Variants in SLTM observed in about 807,000 individuals in gnomAD.
The protein encoded by SLTM is SAFB like transcription modulator, also known as SAFB-like transcription modulator.
In SLTM, 43 loss-of-function variants were observed where a neutral mutation model predicts 134.6. The observed-to-expected ratio is 0.32, with a 90% CI of 0.25 to 0.41. The LOEUF (loss-of-function observed/expected upper bound fraction) is 0.41, where lower values mean the gene tolerates loss of function less well. SLTM is among the 10% of genes least tolerant of loss of function. SLTM has a pLI of 1.00. For missense variants in SLTM, 1,055 were observed against 1,288.8 expected (o/e 0.82, Z 2.78); for synonymous variants, 424 against 432.3 (o/e 0.98, Z 0.24).
chr15:58,886,827 A>T, intron 19 of SLTM, 148 bp downstream of exon 19: 1 of 973,586 alleles, frequency 1.0e-6, no homozygotes, highest in Non-Finnish European at 1.5e-6. Context: ...TTCAGATTTT[A>T]AAAATTTAAA....
intron 5 of SLTM, among the ~76,000 whole-genome samples, chr15:58,910,244 T>G (rs1417153846): frequency 6.6e-6 from 1 of 152,210 alleles, no homozygotes; most frequent in Admixed American, 6.5e-5. Context: ...GGCCATTATT[T>G]GAAAACAGCT....
chr15:58,925,603 G>T (rs565256903), intron 2 of SLTM, among the ~76,000 whole-genome samples: 26 of 152,262 alleles, frequency 1.7e-4, no homozygotes, highest in African/African-American at 5.5e-4. Flanking sequence ...CTCCCAAAGT[G>T]CTGGGTTTAC....
intron 3 of SLTM, 41 bp from the exon 4 acceptor site, chr15:58,913,737 T>C: frequency 2.0e-6 from 3 of 1,520,926 alleles, no homozygotes; most frequent in East Asian, 2.3e-5. Flanking sequence ...AGAGGCAAAG[T>C]AGTGTGGGCT....
At chr15:58,914,989 C>A (rs775999440) in intron 3 of SLTM, among the ~76,000 whole-genome samples, 7 of 152,058 alleles carry the variant, frequency 4.6e-5, no homozygotes, top group Non-Finnish European at 8.8e-5. Flanking sequence ...GTCAGGAGTT[C>A]GAGGCCAGCC....
At chr15:58,894,614 TACA>T in intron 9 of SLTM, 32 bp from the exon 10 acceptor site, 1 of 1,610,084 alleles carries the variant, frequency 6.2e-7, no homozygotes, top group Non-Finnish European at 8.5e-7. Flanking sequence ...TAGAGAGTTT[TACA>T]ACGTTCCAAG....
At chr15:58,913,843 T>C (rs533843538) in intron 3 of SLTM, 147 bp from the exon 4 acceptor site, 1 of 593,694 alleles carries the variant, frequency 1.7e-6, no homozygotes, top group Admixed American at 3.3e-5. Context: ...CCTTATATAT[T>C]TACTGTGTCT....
At chr15:58,890,012 T>G (rs1222678011) in intron 15 of SLTM, 1 of 450,706 alleles carries the variant, frequency 2.2e-6, no homozygotes, top group Non-Finnish European at 3.9e-6. Context: ...GGATTACAAC[T>G]ACTCTGGACT....
At chr15:58,913,063 A>G (rs2036395473) in intron 4 of SLTM, among the ~76,000 whole-genome samples, 1 of 152,208 alleles carries the variant, frequency 6.6e-6, no homozygotes, top group South Asian at 2.1e-4. Context: ...TATACTTGCT[A>G]AGGTAGCAGA....
rs1417448990 is a variant in SLTM at position 58,903,450 on chromosome 15, G to C, written c.562-2163C>G. On this transcript the variant is annotated intron_variant, in intron 5 of 20. Coordinates refer to ENST00000380516, the MANE Select transcript of SLTM (RefSeq NM_024755.4). ...CCTTAGAGCAGTGGTTCTCAAACTT[G>C]AGCATGCATCAGAATCCCCTGGAGG... Among the ~76,000 whole-genome samples the C allele has an allele frequency of 2.7e-5, 4 of 150,864 alleles. No homozygotes were observed. The Admixed American group carries it at 2.7e-4, about 10-fold the overall frequency.
chr15:58,899,985 CA>C lies in SLTM; in HGVS notation c.590-49del. 2.9e-6 allele frequency: 4 copies of C among 1,391,012 alleles called. No homozygotes were observed. Among genetic ancestry groups the C allele is most frequent in the Non-Finnish European group, 3.9e-6 (4 of 1,022,728 alleles). 86.2% of individuals were successfully genotyped at this position (1,391,012 alleles called of 1,614,324 possible). ...AATATGGCAAAACAAGAAGTTTAAACAATTTCATATTCATAAGCTAGAATAG... is the reference window on the plus strand; with the variant it reads ...AATATGGCAAAACAAGAAGTTTAAACATTTCATATTCATAAGCTAGAATAG... On this transcript the variant is annotated intron_variant, in intron 6 of 20. Transcript: ENST00000380516. The surrounding 1 kb of genome is among the most constrained non-coding windows in gnomAD (Gnocchi z 5.0).
intron 9 of SLTM, 78 bp from the exon 10 acceptor site, chr15:58,894,660 A>G: frequency 7.5e-7 from 1 of 1,340,036 alleles, no homozygotes. Flanking sequence ...AAACTTCACA[A>G]CTGAAACTAT....
At chr15:58,921,597 T>C (rs1595929525) in intron 2 of SLTM, 1 of 442,844 alleles carries the variant, frequency 2.3e-6, no homozygotes, top group South Asian at 1.6e-5. Context: ...TAAAAGACAT[T>C]AGGACAAGAT....
intron 19 of SLTM, among the ~76,000 whole-genome samples, chr15:58,885,136 T>C (rs948533089): frequency 3.3e-5 from 5 of 152,218 alleles, no homozygotes; most frequent in African/African-American, 9.7e-5. Flanking sequence ...TTATTTTACA[T>C]TGTACTACTT....
intron 14 of SLTM, among the ~76,000 whole-genome samples, chr15:58,891,578 A>G (rs1434124012): frequency 6.6e-6 from 1 of 152,178 alleles, no homozygotes; most frequent in African/African-American, 2.4e-5. Flanking sequence ...TACTTCTGGT[A>G]TTTACTAACC....
Position 58,899,380 on chromosome 15 carries a change from C to A in SLTM, c.1058+89G>T. ...GGATCATAAGACACTAATTACTGTA[C>A]ATGTTCTTGAAGCCACCCCCTTAAT... On this transcript the variant is annotated intron_variant, in intron 7 of 20. Transcript: ENST00000380516. This position sits in a 1 kb window ranked among gnomAD's most constrained non-coding sequence, Gnocchi z 5.0. The A allele has an allele frequency of 9.9e-7, 1 of 1,006,806 alleles. No individual in the cohort carries two copies. The highest frequency in any genetic ancestry group is 1.5e-6 in the Non-Finnish European group (1 of 658,782). The allele number at this position is 1,006,806 out of a possible 1,614,324, so 62.4% of individuals were successfully genotyped here.
intron 2 of SLTM, among the ~76,000 whole-genome samples, chr15:58,917,737 T>G (rs1030960973): frequency 6.6e-6 from 1 of 152,052 alleles, no homozygotes; most frequent in African/African-American, 2.4e-5. Flanking sequence ...AGTTAGAAAT[T>G]TTTTTTAAGA....
At chr15:58,911,748 C>A (rs1044923494) in intron 5 of SLTM, among the ~76,000 whole-genome samples, 53 of 152,164 alleles carry the variant, frequency 3.5e-4, no homozygotes, top group African/African-American at 1.3e-3. Context: ...ATGTGTATCA[C>A]ATATAGCAGC....
At chr15:58,912,790 A>G (rs2036375075) in intron 4 of SLTM, 180 bp from the exon 5 acceptor site, 5 of 534,786 alleles carry the variant, frequency 9.3e-6, no homozygotes, top group South Asian at 2.2e-5. Flanking sequence ...AAAATTAGCC[A>G]TGTCGCTAGA....
chr15:58,906,886 A>C (rs2035900682), intron 5 of SLTM, among the ~76,000 whole-genome samples: 1 of 152,258 alleles, frequency 6.6e-6, no homozygotes, highest in Non-Finnish European at 1.5e-5. Context: ...TAAGTACGAT[A>C]GAACTCAGAA....
Sources: gnomAD v4.1 joint callset for allele counts (sites outside exome capture counted in the v4.1 genomes callset) on GRCh38, gnomAD v4.1.1 for gene constraint, Gnocchi (gnomAD v3.1) non-coding constraint, MANE v1.5 for transcripts, NCBI Gene and HGNC (gene_info 2026-07-23, HGNC 2026-07-21) for gene names.